COL6A6: variants seen among roughly 807,000 people sequenced by gnomAD.
COL6A6 encodes the protein collagen type VI alpha 6 chain.
COL6A6 carries 183 observed loss-of-function variants against 208.6 expected under a neutral mutation model. That is an observed-to-expected ratio of 0.88 (90% confidence interval 0.78 to 0.99). The LOEUF is 0.99. Among genes scored for constraint, COL6A6 ranks in the 50% least tolerant of loss-of-function variants. The probability of loss-of-function intolerance (pLI) is 0.00; values close to 1 mark genes in which losing one functional copy is unlikely to be tolerated. For synonymous variants in COL6A6, 973 were observed against 1,011.8 expected (o/e 0.96, Z 0.73); for missense variants, 2,816 against 2,815.2 (o/e 1.00, Z -0.01).
intron 1 of COL6A6, among the ~76,000 whole-genome samples, chr3:130,518,056 A>G (rs1010753774): frequency 1.3e-5 from 2 of 152,096 alleles, no homozygotes; most frequent in African/African-American, 2.4e-5. Flanking sequence ...CTGGAAGAGG[A>G]AAAAAAATGT....
In COL6A6 at chr3:130,568,345, C is replaced by T. The variant is rs775816064; in HGVS notation, c.2142C>T (p.Pro714=). 5.6e-6 allele frequency: 9 copies of T among 1,613,912 alleles called. No homozygotes were observed. The highest frequency in any genetic ancestry group is 7.6e-6 in the Non-Finnish European group (9 of 1,179,914). Residue 714 remains proline, a synonymous_variant, in exon 6 of 37, where the codon CCC becomes CCT. Transcript: ENST00000358511. The part of the protein sequence containing the change: ...ALSFVSQYFS[P]TKGARPNIRK... The stretch of plus-strand genomic sequence containing the variant: ...GCTTTGTGTCTCAGTACTTCAGCCC[C>T]ACCAAGGGCGCCCGGCCCAACATCA...
intron 1 of COL6A6, among the ~76,000 whole-genome samples, chr3:130,558,124 C>A (rs777744541): frequency 1.3e-5 from 2 of 152,192 alleles, no homozygotes; most frequent in Non-Finnish European, 2.9e-5. Flanking sequence ...CACCTTCATT[C>A]TCCCCTCACT....
chr3:130,565,297 C>T lies in COL6A6; in HGVS notation c.965C>T (p.Ala322Val), dbSNP rs763778399. The T allele has an allele frequency of 4.3e-6, 7 of 1,613,998 alleles. No homozygotes were observed. The Admixed American group carries it at 1.0e-4, about 23-fold the overall frequency. Reference sequence around the variant, plus strand: ...AAGCTCAGGAAGGAAGTTTTTAGTGCACGGAATGGCAGTCGGAAGAATCAG... The same window carrying T: ...AAGCTCAGGAAGGAAGTTTTTAGTGTACGGAATGGCAGTCGGAAGAATCAG... ...IKKLRKEVFS[A>V]RNGSRKNQGV... The change falls in exon 4 of 37, where the codon GCA (alanine) becomes GTA (valine). Residue 322 changes from alanine (A) to valine (V), a missense_variant. Ala to Val is a moderately conservative substitution (Grantham distance 64). Coordinates refer to ENST00000358511, the MANE Select transcript of COL6A6 (RefSeq NM_001102608.3).
chr3:130,542,405 GT>G (rs1369488876), intron 1 of COL6A6, among the ~76,000 whole-genome samples: 1 of 151,820 alleles, frequency 6.6e-6, no homozygotes, highest in Non-Finnish European at 1.5e-5. Flanking sequence ...TATGATTCCT[GT>G]TTTTTTAAAT....
intron 23 of COL6A6, among the ~76,000 whole-genome samples, chr3:130,615,018 AT>A (rs1021008317): frequency 6.6e-6 from 1 of 151,680 alleles, no homozygotes; most frequent in African/African-American, 2.4e-5. Flanking sequence ...TTCAGCTCTG[AT>A]TTTGGTTATT....
chr3:130,567,031 C>G lies in COL6A6; in HGVS notation c.1612C>G (p.Pro538Ala). Residue 538 changes from proline to alanine, a missense_variant, in exon 5 of 37, where the codon CCA becomes GCA. Physicochemically the swap from Pro to Ala is conservative, Grantham distance 27. Coordinates refer to ENST00000358511, the MANE Select transcript of COL6A6 (RefSeq NM_001102608.3). ...AAAGAAGCAGCGAGGAAACAAAGTT[C>G]CATGCCACCTTGTTGTCCTGACAAA... ...KAKKQRGNKV[P>A]CHLVVLTNGM... 1 of 1,614,050 alleles carries G rather than the reference C, an allele frequency of 6.2e-7. No individual in the cohort carries two copies. Among genetic ancestry groups the G allele is most frequent in the Non-Finnish European group, 8.5e-7 (1 of 1,179,896 alleles).
At chr3:130,545,915 T>A (rs1459988388) in intron 1 of COL6A6, among the ~76,000 whole-genome samples, 2 of 152,194 alleles carry the variant, frequency 1.3e-5, no homozygotes, top group Admixed American at 6.5e-5. Flanking sequence ...TTTCAAATAT[T>A]ACTTCTACTT....
chr3:130,543,699 C>T (rs2062427743), intron 1 of COL6A6, among the ~76,000 whole-genome samples: 1 of 152,178 alleles, frequency 6.6e-6, no homozygotes. Flanking sequence ...TACACACACA[C>T]ATACAAGCAT....
intron 1 of COL6A6, among the ~76,000 whole-genome samples, chr3:130,548,158 T>C (rs114382164): frequency 1.3e-3 from 191 of 152,378 alleles, no homozygotes; most frequent in African/African-American, 4.4e-3. Context: ...AGTCTGGTTC[T>C]GATGTTTGCT....
intron 10 of COL6A6, among the ~76,000 whole-genome samples, chr3:130,582,645 T>G (rs1256869817): frequency 6.6e-6 from 1 of 152,130 alleles, no homozygotes; most frequent in African/African-American, 2.4e-5. Context: ...AACATGTGGA[T>G]GTTCTTGTTT....
chr3:130,603,533 G>A (rs966407438), intron 20 of COL6A6, among the ~76,000 whole-genome samples: 18 of 152,190 alleles, frequency 1.2e-4, no homozygotes, highest in African/African-American at 4.1e-4. Context: ...AGTTCTGTGG[G>A]GGAGATGAGG....
chr3:130,545,735 G>A (rs1235047354), intron 1 of COL6A6, among the ~76,000 whole-genome samples: 1 of 152,200 alleles, frequency 6.6e-6, no homozygotes, highest in Non-Finnish European at 1.5e-5. Flanking sequence ...GGGATTACAG[G>A]CGTGAGCCAC....
At chr3:130,660,954 A>T (rs1413464235) in intron 34 of COL6A6, among the ~76,000 whole-genome samples, 1 of 152,162 alleles carries the variant, frequency 6.6e-6, no homozygotes, top group East Asian at 1.9e-4. Context: ...CTGAATATTC[A>T]TGGTGGTCAT....
At chr3:130,554,689 A>C (rs755794232) in intron 1 of COL6A6, among the ~76,000 whole-genome samples, 1 of 152,192 alleles carries the variant, frequency 6.6e-6, no homozygotes, top group Non-Finnish European at 1.5e-5. Context: ...TAAGGTGTAC[A>C]CATCCACCTG....
intron 29 of COL6A6, among the ~76,000 whole-genome samples, chr3:130,642,243 ATGTGTGTGTGTGTGTGTGTGTG>A (rs3074299): frequency 1.4e-5 from 2 of 142,100 alleles, no homozygotes; most frequent in African/African-American, 5.3e-5. Flanking sequence ...GACAGATTAT[ATGTGTGTGTGTGTGTGTGTGTG>A]TGTGTGTGTG....
chr3:130,554,407 G>A lies in COL6A6; in HGVS notation c.-31-5927G>A, dbSNP rs117762896. On this transcript the variant is annotated intron_variant, in intron 1 of 36. Coordinates refer to ENST00000358511, the MANE Select transcript of COL6A6 (RefSeq NM_001102608.3). ...TTCATGAAAGTGGTGGTGCTGGGAG[G>A]TGGAGGTGCTGGTGTTTCTGTACAC... Among the ~76,000 whole-genome samples the A allele has an allele frequency of 3.2e-3, 495 of 152,342 alleles. 16 individuals carry two copies. The East Asian group carries it at 0.073, about 23-fold the overall frequency.
intron 36 of COL6A6, among the ~76,000 whole-genome samples, chr3:130,670,083 T>C (rs868383752): frequency 6.6e-6 from 1 of 152,234 alleles, no homozygotes; most frequent in Admixed American, 6.5e-5. Flanking sequence ...CTGGAATCTC[T>C]TGCTTACCTT....
chr3:130,665,692 C>T (rs998998142), intron 36 of COL6A6, among the ~76,000 whole-genome samples: 2 of 152,120 alleles, frequency 1.3e-5, no homozygotes, highest in Non-Finnish European at 2.9e-5. Context: ...AGAAAATGTT[C>T]TCTATACAAG....
chr3:130,621,999 A>G, intron 24 of COL6A6, 116 bp downstream of exon 24: 2 of 848,542 alleles, frequency 2.4e-6, no homozygotes, highest in Non-Finnish European at 1.9e-6. Flanking sequence ...TCTGGTCCTT[A>G]AACCCTGGCT....
Sources: allele counts gnomAD v4.1 joint callset (sites outside exome capture counted in the v4.1 genomes callset), GRCh38; gene constraint gnomAD v4.1.1; transcripts MANE v1.5; gene names NCBI Gene and HGNC (gene_info 2026-07-23, HGNC 2026-07-21).